Variants in GRM5 observed in about 807,000 individuals in gnomAD.
GRM5 encodes metabotropic glutamate receptor 5.
Under a neutral mutation model 83.1 loss-of-function variants are expected in GRM5, and 19 were observed. The ratio of observed to expected loss-of-function variants is 0.23; its 90% CI spans 0.16 to 0.34. The LOEUF (loss-of-function observed/expected upper bound fraction) is 0.34, where lower values mean the gene tolerates loss of function less well. Ranked by LOEUF, GRM5 falls within the 10% of genes least tolerant of loss-of-function variation. The pLI, the probability that GRM5 is intolerant of heterozygous loss-of-function variation, is 1.00. For missense variants in GRM5, 1,160 were observed against 1,588.3 expected, an observed-to-expected ratio of 0.73 and a Z score of 4.58; for synonymous variants, 675 against 633.6, an observed-to-expected ratio of 1.07 and a Z score of -0.98.
chr11:89,065,337 GACAC>G (rs758316005), intron 1 of GRM5, among the ~76,000 whole-genome samples: 6 of 150,672 alleles, frequency 4.0e-5, no homozygotes, highest in Non-Finnish European at 7.4e-5. Context: ...GAGAGAGACA[GACAC>G]ACAGAGAGAG....
intron 9 of GRM5, among the ~76,000 whole-genome samples, chr11:88,524,238 G>A (rs78975032): frequency 9.9e-5 from 4 of 40,246 alleles, no homozygotes; most frequent in African/African-American, 4.5e-4. Context: ...TTTTTTTTGA[G>A]ACAGTTTTCA....
At chr11:88,529,383 C>T (rs943071560) in intron 8 of GRM5, among the ~76,000 whole-genome samples, 4 of 150,112 alleles carry the variant, frequency 2.7e-5, no homozygotes, top group South Asian at 2.1e-4. Context: ...AGATATGATA[C>T]GTAAGACAAA....
chr11:88,713,392 T>A (rs1941324788), intron 3 of GRM5, among the ~76,000 whole-genome samples: 1 of 151,992 alleles, frequency 6.6e-6, no homozygotes, highest in South Asian at 2.1e-4. Context: ...CACTTAATGT[T>A]TCTATGAAGA....
At chr11:88,634,921 T>C (rs1301386661) in intron 4 of GRM5, among the ~76,000 whole-genome samples, 2 of 152,188 alleles carry the variant, frequency 1.3e-5, no homozygotes, top group African/African-American at 4.8e-5. Context: ...GCCATTATAA[T>C]GTGATGAGAC....
chr11:88,704,898 A>G (rs1941118768), intron 3 of GRM5, among the ~76,000 whole-genome samples: 1 of 152,026 alleles, frequency 6.6e-6, no homozygotes, highest in Admixed American at 6.6e-5. Flanking sequence ...TGTGAAATGA[A>G]TGCATGGTCT....
At chr11:88,795,327 T>A in intron 3 of GRM5, among the ~76,000 whole-genome samples, 2 of 152,238 alleles carry the variant, frequency 1.3e-5, no homozygotes, top group South Asian at 4.1e-4. Flanking sequence ...TGCTACATAA[T>A]AGTGGCTACC....
At chr11:88,761,789 C>T (rs1942522736) in intron 3 of GRM5, among the ~76,000 whole-genome samples, 1 of 152,050 alleles carries the variant, frequency 6.6e-6, no homozygotes, top group Admixed American at 6.6e-5. Flanking sequence ...CATCACACTA[C>T]CTGACTTCCA....
At chr11:88,883,910 T>C (rs1429867048) in intron 2 of GRM5, among the ~76,000 whole-genome samples, 5 of 152,040 alleles carry the variant, frequency 3.3e-5, no homozygotes, top group African/African-American at 1.2e-4. Context: ...TTTTAAAGGA[T>C]GTATGGAAAT....
At chr11:88,660,893 T>A (rs374955712) in intron 3 of GRM5, among the ~76,000 whole-genome samples, 1 of 152,212 alleles carries the variant, frequency 6.6e-6, no homozygotes, top group African/African-American at 2.4e-5. Flanking sequence ...CAGACAGATT[T>A]AGCTTGAATG....
intron 2 of GRM5, among the ~76,000 whole-genome samples, chr11:88,900,316 T>C (rs1945295292): frequency 6.6e-6 from 1 of 152,194 alleles, no homozygotes; most frequent in South Asian, 2.1e-4. Context: ...ACTCCTATCA[T>C]GACCAGTTTC....
intron 4 of GRM5, among the ~76,000 whole-genome samples, chr11:88,609,517 T>G (rs547767017): frequency 2.0e-5 from 3 of 152,226 alleles, no homozygotes; most frequent in African/African-American, 7.2e-5. Context: ...AGTGCTTTTC[T>G]CTTGGGTATA....
intron 8 of GRM5, among the ~76,000 whole-genome samples, chr11:88,529,425 G>A (rs1043380752): frequency 6.6e-6 from 1 of 151,568 alleles, no homozygotes; most frequent in Admixed American, 6.6e-5. Context: ...GCACCGTGAA[G>A]AGAAAATCAG....
At chr11:88,910,226 C>T (rs923661220) in intron 2 of GRM5, among the ~76,000 whole-genome samples, 5 of 151,864 alleles carry the variant, frequency 3.3e-5, no homozygotes, top group African/African-American at 1.2e-4. Flanking sequence ...AGGGTTTATC[C>T]GTGTTGTGGC....
At chr11:88,954,894 A>C (rs565777494) in intron 2 of GRM5, among the ~76,000 whole-genome samples, 1 of 152,298 alleles carries the variant, frequency 6.6e-6, no homozygotes, top group Admixed American at 6.5e-5. Flanking sequence ...GAAAGGCTTC[A>C]ATGGCAAGGG....
chr11:88,877,150 T>C (rs1227872876), intron 2 of GRM5, among the ~76,000 whole-genome samples: 2 of 152,044 alleles, frequency 1.3e-5, no homozygotes, highest in East Asian at 1.9e-4. Context: ...TGGTGTTTTA[T>C]TGCACAGTAG....
chr11:88,776,930 TC>T (rs1942866882), intron 3 of GRM5, among the ~76,000 whole-genome samples: 1 of 152,326 alleles, frequency 6.6e-6, no homozygotes, highest in African/African-American at 2.4e-5. Context: ...GGGTTGCTCT[TC>T]TTGAGGAGAA....
intron 2 of GRM5, among the ~76,000 whole-genome samples, chr11:88,923,040 A>G (rs369656146): frequency 6.7e-6 from 1 of 149,864 alleles, no homozygotes; most frequent in African/African-American, 2.5e-5. Flanking sequence ...CATCTCACCC[A>G]TTTAAAATGG....
At chr11:88,640,210 A>G (rs779072010) in intron 4 of GRM5, among the ~76,000 whole-genome samples, 3 of 152,326 alleles carry the variant, frequency 2.0e-5, no homozygotes, top group East Asian at 1.9e-4. Flanking sequence ...TGATATGAAG[A>G]CACAAATGGG....
At chr11:88,515,458 G>A (rs145593567) in intron 9 of GRM5, among the ~76,000 whole-genome samples, 1 of 152,192 alleles carries the variant, frequency 6.6e-6, no homozygotes, top group Admixed American at 6.5e-5. Flanking sequence ...TAGAATAAAG[G>A]ATTTTGAATG....
Sources: allele counts gnomAD v4.1 joint callset (sites outside exome capture counted in the v4.1 genomes callset), GRCh38; gene constraint gnomAD v4.1.1; transcripts MANE v1.5; gene names NCBI Gene and HGNC (gene_info 2026-07-23, HGNC 2026-07-21).